Variants in MAP4 observed in about 807,000 individuals in gnomAD.
MAP4 encodes the protein microtubule associated protein 4, also known as microtubule-associated protein 4.
A neutral mutation model predicts 170.2 loss-of-function variants in MAP4; 76 were observed. That is an observed-to-expected ratio of 0.45 (90% confidence interval 0.37 to 0.54). The LOEUF is 0.54. Ranked by LOEUF, MAP4 falls within the 20% of genes least tolerant of loss-of-function variation. The pLI is 0.00. For missense variants in MAP4, 2,506 were observed against 2,748.0 expected, an observed-to-expected ratio of 0.91 and a Z score of 1.97; for synonymous variants, 909 against 994.5, an observed-to-expected ratio of 0.91 and a Z score of 1.62.
chr3:47,910,477 G>T lies in MAP4; in HGVS notation c.3944C>A (p.Thr1315Asn). The change falls in exon 9 of 21, where the codon ACT becomes AAT. Residue 1315 changes from threonine to asparagine, a missense_variant. Coordinates refer to ENST00000683076, the MANE Select transcript of MAP4 (RefSeq NM_001385682.1). ...KISTVKASTV[T>N]EPPAKVTDVS... is the part of the protein sequence containing the mutation. ...ATCTGTCACCTTGGCAGGTGGTTCA[G>T]TAACAGTAGAAGCCTTGACTGTGCT... 1.3e-6 allele frequency: 2 copies of T among 1,536,100 alleles called. No individual in the cohort carries two copies. Among genetic ancestry groups the T allele is most frequent in the Non-Finnish European group, 1.7e-6 (2 of 1,146,910 alleles).
chr3:47,892,153 G>A (rs2100024371), intron 10 of MAP4: 2 of 1,536,128 alleles, frequency 1.3e-6, no homozygotes, highest in African/African-American at 1.4e-5. Context: ...AGGGATGGCA[G>A]GTCTCTGAAA....
At position 47,939,823 on chromosome 3, in the gene MAP4, T is replaced by G. The variant is rs1034534849; in HGVS notation, c.293-11473A>C. Among the ~76,000 whole-genome samples the G allele has an allele frequency of 2.6e-5, 4 of 152,028 alleles. No individual in the cohort carries two copies. The East Asian group carries it at 7.7e-4, about 29-fold the overall frequency. On this transcript the variant is annotated intron_variant, in intron 3 of 20. Transcript: ENST00000683076. ...AGAAGGAGCATGAAAGTCTGTTTTT[T>G]GTTGTTGTTGTTTTTTTCATTTTTT...
Position 47,872,099 on chromosome 3 carries a change from G to A in MAP4, c.5759C>T (p.Pro1920Leu). ...ILPSKDVKPK[P>L]IADAKAPEKR... is the part of the protein sequence containing the mutation. ...CTCAGGAGCCTTTGCATCTGCAATGGGCTGGAAATAGGAAAGTGGGAATGA... is the reference window on the plus strand; with the variant it reads ...CTCAGGAGCCTTTGCATCTGCAATGAGCTGGAAATAGGAAAGTGGGAATGA... Residue 1920 changes from proline (P) to leucine (L), a missense_variant and splice_region_variant, in exon 13 of 21, where the codon CCC becomes CTC. Physicochemically the swap from Pro to Leu is moderately conservative, Grantham distance 98. This residue lies in a region of MAP4 where 487 missense variants were observed against 511.6 expected (regional missense o/e 0.95). Transcript: ENST00000683076. The A allele has an allele frequency of 6.2e-7, 1 of 1,605,416 alleles. No homozygotes were observed. The highest frequency in any genetic ancestry group is 8.5e-7 in the Non-Finnish European group (1 of 1,174,334).
At chr3:47,979,869 G>A (rs1362346984) in intron 2 of MAP4, among the ~76,000 whole-genome samples, 1 of 152,088 alleles carries the variant, frequency 6.6e-6, no homozygotes, top group Non-Finnish European at 1.5e-5. Context: ...CTGTCACTCA[G>A]GCTGGAGTGC....
chr3:47,946,826 ACAGGTTAAG>A (rs1458050243), intron 3 of MAP4, among the ~76,000 whole-genome samples: 1 of 152,310 alleles, frequency 6.6e-6, no homozygotes, highest in Non-Finnish European at 1.5e-5. Flanking sequence ...ATTCTGTTAA[ACAGGTTAAG>A]CAGGTTATAT....
At chr3:47,949,054 TA>T (rs2100061951) in intron 3 of MAP4, among the ~76,000 whole-genome samples, 1 of 152,158 alleles carries the variant, frequency 6.6e-6, no homozygotes, top group Non-Finnish European at 1.5e-5. Flanking sequence ...GAATCTAACA[TA>T]AAAAAGACAA....
chr3:47,885,347 T>C (rs781455998), intron 10 of MAP4, among the ~76,000 whole-genome samples: 17 of 150,686 alleles, frequency 1.1e-4, no homozygotes, highest in Non-Finnish European at 1.2e-4. Context: ...CTGGGCAACA[T>C]AGCAAGATCC....
chr3:47,921,989 C>G (rs935023572), intron 4 of MAP4, 111 bp from the exon 5 acceptor site: 1 of 620,586 alleles, frequency 1.6e-6, no homozygotes, highest in South Asian at 2.0e-5. Context: ...GCTCTGTTGC[C>G]AAGGCTGGAG....
intron 1 of MAP4, among the ~76,000 whole-genome samples, chr3:48,056,093 A>C: frequency 1.4e-5 from 2 of 141,248 alleles, no homozygotes; most frequent in African/African-American, 2.6e-5. Flanking sequence ...CCCGGCAGCC[A>C]CCCCGTCCGG....
At chr3:47,885,258 A>G (rs1346863398) in intron 10 of MAP4, among the ~76,000 whole-genome samples, 1 of 152,148 alleles carries the variant, frequency 6.6e-6, no homozygotes, top group African/African-American at 2.4e-5. Flanking sequence ...GGATGGACGC[A>G]GTGGCTCATG....
At chr3:47,889,935 T>TAA (rs1192530675) in intron 10 of MAP4, among the ~76,000 whole-genome samples, 14 of 135,872 alleles carry the variant, frequency 1.0e-4, no homozygotes, top group South Asian at 2.3e-4. Flanking sequence ...TTTATCTCCA[T>TAA]AAAAAAAAAA....
At chr3:47,857,739 C>T (rs563959169) in intron 17 of MAP4, among the ~76,000 whole-genome samples, 10 of 152,022 alleles carry the variant, frequency 6.6e-5, no homozygotes, top group African/African-American at 1.7e-4. Context: ...GATGGAGTCT[C>T]GCTCTGTTGC....
intron 16 of MAP4, among the ~76,000 whole-genome samples, chr3:47,868,221 C>T (rs2084094142): frequency 6.6e-6 from 1 of 152,158 alleles, no homozygotes; most frequent in South Asian, 2.1e-4. Context: ...AATCCTAGGA[C>T]CTTCTCAAGA....
At chr3:48,043,934 T>C (rs1409086187) in intron 1 of MAP4, among the ~76,000 whole-genome samples, 1 of 151,822 alleles carries the variant, frequency 6.6e-6, no homozygotes, top group East Asian at 1.9e-4. Flanking sequence ...CAATCTCCAC[T>C]TCCTGGGGTC....
intron 3 of MAP4, among the ~76,000 whole-genome samples, chr3:47,944,351 CT>C (rs1483897066): frequency 1.3e-5 from 2 of 151,850 alleles, no homozygotes; most frequent in East Asian, 3.9e-4. Context: ...ATGCAACTTC[CT>C]TTCTCATTCT....
chr3:47,909,822 A>G lies in MAP4; in HGVS notation c.4599T>C (p.Leu1533=), dbSNP rs1417167003. The G allele has an allele frequency of 6.2e-7, 1 of 1,613,996 alleles. No homozygotes were observed. The highest frequency in any genetic ancestry group is 8.5e-7 in the Non-Finnish European group (1 of 1,179,868). ...CTGCTTCATTTTTCATGGAATCAGC[A>G]AGCTCAGCTTTATTCTTAAGAGAGT... ...GDHSLKNKAE[L]ADSMKNEAGI... Residue 1533 remains leucine (L), a synonymous_variant, in exon 9 of 21, where the codon CTT becomes CTC. Transcript: ENST00000683076.
intron 1 of MAP4, among the ~76,000 whole-genome samples, chr3:47,999,597 C>T (rs2100098057): frequency 6.6e-6 from 1 of 152,104 alleles, no homozygotes; most frequent in African/African-American, 2.4e-5. Context: ...CAAACTGACG[C>T]AGGAACAGAA....
intron 1 of MAP4, among the ~76,000 whole-genome samples, chr3:48,049,447 C>T (rs762857911): frequency 3.1e-4 from 35 of 111,692 alleles, no homozygotes; most frequent in Non-Finnish European, 5.7e-4. Context: ...TAACCGTACC[C>T]TGTCTCTACA....
intron 9 of MAP4, among the ~76,000 whole-genome samples, chr3:47,903,652 G>A (rs2100031381): frequency 6.6e-6 from 1 of 151,922 alleles, no homozygotes; most frequent in Non-Finnish European, 1.5e-5. Flanking sequence ...TTCTGTTAAA[G>A]TTTCCCTAAA....
Sources: allele counts gnomAD v4.1 joint callset (sites outside exome capture counted in the v4.1 genomes callset), GRCh38; gene constraint gnomAD v4.1.1; regional missense constraint gnomAD v4.1.1; transcripts MANE v1.5; gene names NCBI Gene and HGNC (gene_info 2026-07-23, HGNC 2026-07-21).